Variants in CELSR1 observed in about 807,000 individuals in gnomAD.
CELSR1 encodes the protein cadherin EGF LAG seven-pass G-type receptor 1.
A neutral mutation model predicts 249.1 loss-of-function variants in CELSR1; 110 were observed. That is an observed-to-expected ratio of 0.44 (90% CI 0.38 to 0.52). The LOEUF is 0.52. Among genes scored for constraint, CELSR1 ranks in the 20% least tolerant of loss-of-function variants. The pLI, the probability that CELSR1 is intolerant of heterozygous loss-of-function variation, is 0.00. For missense variants in CELSR1, 4,109 were observed against 4,296.4 expected (o/e 0.96, Z 1.22); for synonymous variants, 2,113 against 1,900.0 (o/e 1.11, Z -2.92).
chr22:46,389,463 C>T lies in CELSR1; in HGVS notation c.6382G>A (p.Gly2128Ser), dbSNP rs553746266. 24 of 1,613,242 alleles carry T rather than the reference C, an allele frequency of 1.5e-5. No individual in the cohort carries two copies. Among genetic ancestry groups the T allele is most frequent in the African/African-American group, 2.7e-5 (2 of 75,082 alleles). Reference protein sequence around the residue: ...KLSRNETQVDGARALQLVRAL... With the variant: ...KLSRNETQVDSARALQLVRAL... Reference sequence around the variant, plus strand: ...CTCACCAGCTGCAGGGCCCTGGCGCCGTCCACCTGCGTCTCATTGCGGCTC... The same window carrying T: ...CTCACCAGCTGCAGGGCCCTGGCGCTGTCCACCTGCGTCTCATTGCGGCTC... Residue 2128 changes from glycine to serine, a missense_variant, in exon 18 of 35, where the codon GGC becomes AGC. Physicochemically the swap from Gly to Ser is moderately conservative, Grantham distance 56. This residue lies in a region of CELSR1 where 1,805 missense variants were observed against 1,831.6 expected (regional missense o/e 0.99). Transcript: ENST00000674500.
chr22:46,367,420 C>A (rs1048848236), intron 28 of CELSR1, among the ~76,000 whole-genome samples: 1 of 152,260 alleles, frequency 6.6e-6, no homozygotes, highest in Non-Finnish European at 1.5e-5. Context: ...GGGGTCCCCA[C>A]TGTGTCGTAA....
rs2078745098 is a variant in CELSR1 at position 46,364,581 on chromosome 22, A to G, written c.8710T>C (p.Tyr2904His). 1.2e-6 allele frequency: 2 copies of G among 1,612,472 alleles called. No homozygotes were observed. Among genetic ancestry groups the G allele is most frequent in the Non-Finnish European group, 8.5e-7 (1 of 1,179,860 alleles). The change falls in exon 33 of 35, where the codon TAC (tyrosine) becomes CAC (histidine). Residue 2904 changes from tyrosine (Y) to histidine (H), a missense_variant. By Grantham distance (83) the Tyr-to-His change is moderately conservative. This residue lies in a region of CELSR1 where 1,805 missense variants were observed against 1,831.6 expected (regional missense o/e 0.99). Transcript: ENST00000674500. ...CCCCCGCTCTCCTGGTCCGGGGGGTACTCTCCACGGTGACTGCCCTGCTCC... is the reference window on the plus strand; with the variant it reads ...CCCCCGCTCTCCTGGTCCGGGGGGTGCTCTCCACGGTGACTGCCCTGCTCC... The part of the protein sequence containing the change: ...REEQGSHRGE[Y>H]PPDQESGGAA...
In CELSR1 at chr22:46,423,116, G is replaced by A. The variant is rs183266574; in HGVS notation, c.4611+10277C>T. ...TGGAAAGCACCGTGCACTGGGACTC[G>A]CCCTCTCTGGCTGCTAGGAACCCCC... On this transcript the variant is annotated intron_variant, in intron 5 of 34. Coordinates refer to ENST00000674500, the MANE Select transcript of CELSR1 (RefSeq NM_001378328.1). The surrounding 1 kb of genome is among the most constrained non-coding windows in gnomAD (Gnocchi z 5.6). Among the ~76,000 whole-genome samples the A allele has an allele frequency of 8.7e-4, 132 of 152,212 alleles. 1 individual carries two copies. Among genetic ancestry groups the A allele is most frequent in the African/African-American group, 2.8e-3 (116 of 41,530 alleles).
intron 1 of CELSR1, among the ~76,000 whole-genome samples, chr22:46,532,125 C>CA (rs1398608066): frequency 2.0e-5 from 3 of 152,244 alleles, no homozygotes; most frequent in Non-Finnish European, 4.4e-5. Flanking sequence ...CACAGACACA[C>CA]AAAACATCCC....
chr22:46,504,387 AC>A (rs549803745), intron 1 of CELSR1, among the ~76,000 whole-genome samples: 71 of 151,880 alleles, frequency 4.7e-4, no homozygotes, highest in Non-Finnish European at 8.1e-4. Context: ...GGTGGCAGGC[AC>A]CTGTAGTCCC....
At chr22:46,498,119 A>T (rs1309283478) in intron 1 of CELSR1, among the ~76,000 whole-genome samples, 1 of 151,490 alleles carries the variant, frequency 6.6e-6, no homozygotes, top group Non-Finnish European at 1.5e-5. Context: ...GTGGTGGCGC[A>T]CACCTGTAAG....
At position 46,381,924 on chromosome 22, in the gene CELSR1, G is replaced by A; in HGVS notation, c.7010C>T (p.Ala2337Val). 6.4e-7 allele frequency: 1 copy of A among 1,572,314 alleles called. No homozygotes were observed. Among genetic ancestry groups the A allele is most frequent in the Non-Finnish European group, 8.6e-7 (1 of 1,160,880 alleles). ...RRHPDDAGQF[A>V]VALVIIYRTL... is the part of the protein sequence containing the mutation. ...GCGGTAAATGATGACCAGAGCGACG[G>A]CGAACTGGCCAGCGTCATCAGGGTG... Residue 2337 changes from alanine (A) to valine (V), a missense_variant, in exon 21 of 35, where the codon GCC (alanine) becomes GTC (valine). Around this residue, in one of 7 missense-constraint regions of CELSR1, gnomAD observed 1,805 missense variants for 1,831.6 expected, o/e 0.99. Transcript: ENST00000674500. The surrounding 1 kb of genome is among the most constrained non-coding windows in gnomAD (Gnocchi z 6.0).
chr22:46,373,085 G>A, intron 24 of CELSR1, 28 bp from the exon 25 acceptor site: 3 of 1,556,224 alleles, frequency 1.9e-6, no homozygotes, highest in Middle Eastern at 1.7e-4. Flanking sequence ...GCTCAGCAAG[G>A]GCCCCTGCAT....
chr22:46,453,348 A>T (rs2079908350), intron 2 of CELSR1, among the ~76,000 whole-genome samples: 1 of 152,214 alleles, frequency 6.6e-6, no homozygotes, highest in Non-Finnish European at 1.5e-5. Flanking sequence ...CCAACGGTTC[A>T]AATTCCCCTG....
chr22:46,530,327 T>C (rs1274090933), intron 1 of CELSR1: 1 of 149,202 alleles, frequency 6.7e-6, no homozygotes, highest in Non-Finnish European at 1.5e-5. Context: ...ATAATTTATA[T>C]ATAATTCATT....
chr22:46,528,839 G>T (rs193017836), intron 1 of CELSR1, among the ~76,000 whole-genome samples: 2,252 of 151,924 alleles, frequency 0.015, 47 homozygotes, highest in African/African-American at 0.049. Flanking sequence ...TGAGGCAGGA[G>T]AACGGCGTGA....
At chr22:46,438,135 A>G (rs1395300222) in intron 3 of CELSR1, among the ~76,000 whole-genome samples, 1 of 151,332 alleles carries the variant, frequency 6.6e-6, no homozygotes, top group Non-Finnish European at 1.5e-5. Context: ...GGTTGGAACA[A>G]TGCAAGCAAA....
In CELSR1 at chr22:46,464,405, G is replaced by A; in HGVS notation, c.3545-60C>T. ...GCTGCGGGAGTCACAGGTCCTATAG[G>A]CCCCATCCCAGGAGCAGCCTCAGGC... On this transcript the variant is annotated intron_variant, in intron 1 of 34. Transcript: ENST00000674500. The surrounding 1 kb of genome is among the most constrained non-coding windows in gnomAD (Gnocchi z 8.5). The A allele has an allele frequency of 1.3e-6, 2 of 1,544,562 alleles. No homozygotes were observed. Among genetic ancestry groups the A allele is most frequent in the East Asian group, 2.3e-5 (1 of 44,384 alleles).
At chr22:46,425,999 C>T (rs189487485) in intron 5 of CELSR1, among the ~76,000 whole-genome samples, 1 of 152,336 alleles carries the variant, frequency 6.6e-6, no homozygotes, top group African/African-American at 2.4e-5. Context: ...GTTTTAAAAA[C>T]CTTCCTTCTT....
rs566585118 is a variant in CELSR1 at position 46,527,744 on chromosome 22, T to C, written c.3544+5883A>G. Among the ~76,000 whole-genome samples, 2 of 152,316 alleles carry C rather than the reference T, an allele frequency of 1.3e-5. No homozygotes were observed. Among genetic ancestry groups the C allele is most frequent in the East Asian group, 3.9e-4 (2 of 5,184 alleles). ...TAACTCATTGCCAAAAGCACTGAAC[T>C]CTCCTGGGAAGGTTTGACACTGGCA... is the stretch of plus-strand genomic sequence containing the variant. On this transcript the variant is annotated intron_variant, in intron 1 of 34. Coordinates refer to ENST00000674500, the MANE Select transcript of CELSR1 (RefSeq NM_001378328.1). This position sits in a 1 kb window ranked among gnomAD's most constrained non-coding sequence, Gnocchi z 5.5.
intron 1 of CELSR1, among the ~76,000 whole-genome samples, chr22:46,523,101 G>C (rs1569217302): frequency 6.6e-6 from 1 of 152,160 alleles, no homozygotes; most frequent in South Asian, 2.1e-4. Flanking sequence ...ATGCTAACAG[G>C]GCATGTGATT....
chr22:46,415,751 G>A (rs1206544338), intron 5 of CELSR1, among the ~76,000 whole-genome samples: 1 of 152,168 alleles, frequency 6.6e-6, no homozygotes, highest in Non-Finnish European at 1.5e-5. Flanking sequence ...TGCATTATTT[G>A]GCCTTCCTGC....
At chr22:46,491,794 G>A (rs1196398720) in intron 1 of CELSR1, among the ~76,000 whole-genome samples, 5 of 151,108 alleles carry the variant, frequency 3.3e-5, no homozygotes, top group African/African-American at 7.3e-5. Flanking sequence ...ACGCCACCAC[G>A]CCCGGCTAAT....
At chr22:46,373,667 A>AGGGGGAGATGGGGGAGAAGGGGGAGAT (rs2078883715) in intron 24 of CELSR1, among the ~76,000 whole-genome samples, 1 of 50,916 alleles carries the variant, frequency 2.0e-5, no homozygotes, top group African/African-American at 7.9e-5. Context: ...ATGGGGGAGA[A>AGGGGGAGATGGGGGAGAAGGGGGAGAT]GGGGGAGATG....
Sources: gnomAD v4.1 joint callset for allele counts (sites outside exome capture counted in the v4.1 genomes callset) on GRCh38, gnomAD v4.1.1 for gene constraint, gnomAD v4.1.1 regional missense constraint, Gnocchi (gnomAD v3.1) non-coding constraint, MANE v1.5 for transcripts, NCBI Gene and HGNC (gene_info 2026-07-23, HGNC 2026-07-21) for gene names.